LRRFIP1: variants seen among roughly 807,000 people sequenced by gnomAD.
LRRFIP1 encodes the protein leucine-rich repeat flightless-interacting protein 1.
LRRFIP1 carries 62 observed loss-of-function variants against 104.4 expected under a neutral mutation model. The observed-to-expected ratio is 0.59, with a 90% CI of 0.48 to 0.73. The LOEUF (loss-of-function observed/expected upper bound fraction) is 0.73, where lower values mean the gene tolerates loss of function less well. LRRFIP1 is among the 30% of genes least tolerant of loss of function. The pLI is 0.00. For synonymous variants in LRRFIP1, 300 were observed against 299.0 expected, an observed-to-expected ratio of 1.00 and a Z score of -0.03; for missense variants, 796 against 824.5, an observed-to-expected ratio of 0.97 and a Z score of 0.42.
chr2:237,693,873 A>G (rs563763276), intron 1 of LRRFIP1, among the ~76,000 whole-genome samples: 7 of 152,276 alleles, frequency 4.6e-5, no homozygotes, highest in South Asian at 2.1e-4. Context: ...TACAGGGTCT[A>G]TTACTTAAGG....
intron 1 of LRRFIP1, among the ~76,000 whole-genome samples, chr2:237,647,154 T>A (rs1490898397): frequency 6.6e-6 from 1 of 151,974 alleles, no homozygotes; most frequent in Non-Finnish European, 1.5e-5. Flanking sequence ...AAACCCTTTG[T>A]GTTGGGCAGG....
intron 4 of LRRFIP1, 109 bp from the exon 5 acceptor site, chr2:237,719,414 A>C (rs1209484099): frequency 3.0e-6 from 2 of 669,586 alleles, no homozygotes. Context: ...TGTGACATTT[A>C]GATCAGAACT....
At chr2:237,772,364 T>C in intron 21 of LRRFIP1, 166 bp downstream of exon 21, 1 of 588,938 alleles carries the variant, frequency 1.7e-6, no homozygotes, top group South Asian at 2.1e-5. Flanking sequence ...GACAGAACAA[T>C]GGTGTTTCTC....
chr2:237,728,631 A>G (rs1231900863), intron 8 of LRRFIP1, among the ~76,000 whole-genome samples: 1 of 152,226 alleles, frequency 6.6e-6, no homozygotes, highest in Non-Finnish European at 1.5e-5. Flanking sequence ...ACGATATCCC[A>G]CAGGTCCATT....
At chr2:237,657,383 A>C (rs1369754237) in intron 1 of LRRFIP1, among the ~76,000 whole-genome samples, 1 of 152,242 alleles carries the variant, frequency 6.6e-6, no homozygotes, top group Non-Finnish European at 1.5e-5. Flanking sequence ...GAAGAGTCGA[A>C]TCTCCACCAT....
intron 10 of LRRFIP1, among the ~76,000 whole-genome samples, chr2:237,736,069 T>C (rs1223705154): frequency 6.6e-6 from 1 of 152,236 alleles, no homozygotes; most frequent in East Asian, 1.9e-4. Context: ...TGAAATGCTT[T>C]TATAATTTTG....
chr2:237,759,444 G>A lies in LRRFIP1; in HGVS notation c.1318-620G>A, dbSNP rs77904554. Reference sequence around the variant, plus strand: ...AGCTACAGGCTTAGAGCTAAGATTCGTAATTCTGCTCCTTGAAGAGGCGAT... The same window carrying A: ...AGCTACAGGCTTAGAGCTAAGATTCATAATTCTGCTCCTTGAAGAGGCGAT... On this transcript the variant is annotated intron_variant, in intron 18 of 23. Coordinates refer to ENST00000308482, the MANE Select transcript of LRRFIP1 (RefSeq NM_001137550.2). Among the ~76,000 whole-genome samples the A allele has an allele frequency of 7.6e-4, 116 of 152,250 alleles. No homozygotes were observed. In the East Asian group the frequency reaches 0.017, roughly 23 times the overall value.
intron 1 of LRRFIP1, among the ~76,000 whole-genome samples, chr2:237,674,955 G>GC (rs1333257473): frequency 6.6e-6 from 1 of 152,226 alleles, no homozygotes; most frequent in Non-Finnish European, 1.5e-5. Context: ...ATCGGGCCCT[G>GC]CCCCCAGAGA....
At chr2:237,731,884 G>A (rs572217070) in intron 8 of LRRFIP1, among the ~76,000 whole-genome samples, 7 of 152,182 alleles carry the variant, frequency 4.6e-5, no homozygotes, top group Non-Finnish European at 8.8e-5. Context: ...TTTGCTGCCC[G>A]AGGGCTCTTG....
rs1393471894 is a variant in LRRFIP1 at position 237,739,239 on chromosome 2, A to T, written c.563A>T (p.Glu188Val). 24 of 1,560,710 alleles carry T rather than the reference A, an allele frequency of 1.5e-5. No homozygotes were observed. The highest frequency in any genetic ancestry group is 2.1e-5 in the Non-Finnish European group (24 of 1,152,622). ...GSTSGSRAPS[E>V]YSGHLNSSSR... ...CGGTGGCTGTGTGGGCAGCCCTCGG[A>T]GTACAGCGGCCACCTCAACTCCAGC... Residue 188 changes from glutamate (E) to valine (V), a missense_variant, in exon 11 of 24, where the codon GAG becomes GTG. Transcript: ENST00000308482.
At chr2:237,774,314 C>A in intron 22 of LRRFIP1, 44 bp from the exon 23 acceptor site, 1 of 1,159,012 alleles carries the variant, frequency 8.6e-7, no homozygotes, top group Non-Finnish European at 1.3e-6. Flanking sequence ...AGAAAGAAAA[C>A]AGGCTTATCA....
chr2:237,765,699 A>T, intron 19 of LRRFIP1: 2 of 937,646 alleles, frequency 2.1e-6, no homozygotes, highest in East Asian at 1.2e-4. Context: ...TATATAAAAA[A>T]ATTTTTTAAA....
intron 1 of LRRFIP1, among the ~76,000 whole-genome samples, chr2:237,666,755 C>CAT (rs71039774): frequency 8.3e-5 from 11 of 132,154 alleles, no homozygotes; most frequent in East Asian, 2.3e-4. Flanking sequence ...TTCATTCTTT[C>CAT]TCTTTCTTTC....
At position 237,766,211 on chromosome 2, in the gene LRRFIP1, C is replaced by T. The variant is rs1013896032; in HGVS notation, c.1460-3732C>T. Among the ~76,000 whole-genome samples the T allele has an allele frequency of 6.6e-6, 1 of 152,188 alleles. No homozygotes were observed. Among genetic ancestry groups the T allele is most frequent in the Admixed American group, 6.5e-5 (1 of 15,276 alleles). ...CGGTCTTCACCTGTGGCTGTGCTTA[C>T]CTGCGCCACTACTTACAGTGTTTTG... On this transcript the variant is annotated intron_variant, in intron 19 of 23. Coordinates refer to ENST00000308482, the MANE Select transcript of LRRFIP1 (RefSeq NM_001137550.2). The surrounding 1 kb of genome is among the most constrained non-coding windows in gnomAD (Gnocchi z 4.8).
chr2:237,770,024 T>C (rs2060486481), intron 20 of LRRFIP1, 32 bp downstream of exon 20: 1 of 1,568,142 alleles, frequency 6.4e-7, no homozygotes, highest in East Asian at 2.3e-5. Flanking sequence ...TACCGGTTCA[T>C]GAACAGGGCA....
At chr2:237,721,939 A>T (rs943747175) in intron 6 of LRRFIP1, 1 of 152,100 alleles carries the variant, frequency 6.6e-6, no homozygotes, top group Non-Finnish European at 1.5e-5. Context: ...GGACCGTCTG[A>T]CCCCACTCAC....
intron 1 of LRRFIP1, among the ~76,000 whole-genome samples, chr2:237,659,939 G>A (rs1285071492): frequency 6.6e-6 from 1 of 152,156 alleles, no homozygotes; most frequent in African/African-American, 2.4e-5. Flanking sequence ...GCAAGTGGCC[G>A]AGAAGTTTAA....
At chr2:237,746,677 G>GCAGATGGTATGGGCCA (rs2057910479) in intron 11 of LRRFIP1, among the ~76,000 whole-genome samples, 1 of 152,196 alleles carries the variant, frequency 6.6e-6, no homozygotes, top group African/African-American at 2.4e-5. Context: ...GGTATGGGCT[G>GCAGATGGTATGGGCCA]CAGATGGTAT....
In LRRFIP1 at chr2:237,711,247, G is replaced by A. The variant is rs569992225; in HGVS notation, c.183+2617G>A. ...GAAATCGGGAAGTCTCACGTAAAAC[G>A]CCATGGTTTGCCTTCTTCAGCATGA... is the stretch of plus-strand genomic sequence containing the variant. On this transcript the variant is annotated intron_variant, in intron 2 of 23. Transcript: ENST00000308482. The surrounding 1 kb of genome is among the most constrained non-coding windows in gnomAD (Gnocchi z 4.4). Among the ~76,000 whole-genome samples, 16 of 152,286 alleles carry A rather than the reference G, an allele frequency of 1.1e-4. No homozygotes were observed. The East Asian group carries it at 1.9e-3, about 18-fold the overall frequency.
Sources: gnomAD v4.1 joint callset for allele counts (sites outside exome capture counted in the v4.1 genomes callset) on GRCh38, gnomAD v4.1.1 for gene constraint, Gnocchi (gnomAD v3.1) non-coding constraint, MANE v1.5 for transcripts, NCBI Gene and HGNC (gene_info 2026-07-23, HGNC 2026-07-21) for gene names.